The following LOC128462377 variants were observed in gnomAD, a reference collection of about 807,000 sequenced individuals.
the LOC128462377 span, among the ~76,000 whole-genome samples, chr16:89,415,261 C>CTTTTTT: frequency 1.2e-5 from 1 of 84,532 alleles, no homozygotes. Context: ...GCCAGCTATT[C>CTTTTTT]TTTTTTTTTT....
the LOC128462377 span, among the ~76,000 whole-genome samples, chr16:89,334,651 T>C: frequency 1.3e-5 from 2 of 151,976 alleles, no homozygotes; most frequent in African/African-American, 4.8e-5. Flanking sequence ...CCACGCTCCA[T>C]GAGGGGCCAC....
the LOC128462377 span, among the ~76,000 whole-genome samples, chr16:89,413,263 G>A: frequency 8.5e-5 from 13 of 152,260 alleles, no homozygotes; most frequent in South Asian, 1.9e-3. Context: ...TAATTACTAC[G>A]CATATTTTTT....
chr16:89,378,399 G>A, the LOC128462377 span, among the ~76,000 whole-genome samples: 1 of 152,160 alleles, frequency 6.6e-6, no homozygotes, highest in African/African-American at 2.4e-5. Context: ...CAACGTGTAT[G>A]TCAACCATAT....
the LOC128462377 span, among the ~76,000 whole-genome samples, chr16:89,382,654 C>T: frequency 1.3e-5 from 2 of 151,628 alleles, no homozygotes; most frequent in Non-Finnish European, 2.9e-5. Flanking sequence ...AAACAATTCC[C>T]CCCCTCCAGT....
the LOC128462377 span, among the ~76,000 whole-genome samples, chr16:89,371,052 G>A: frequency 1.3e-5 from 2 of 152,162 alleles, no homozygotes; most frequent in African/African-American, 2.4e-5. Context: ...GTCTCATGAC[G>A]AAGGGGACTT....
the LOC128462377 span, among the ~76,000 whole-genome samples, chr16:89,358,609 A>C: frequency 5.9e-5 from 9 of 152,336 alleles, no homozygotes; most frequent in East Asian, 1.7e-3. Context: ...CTTTAAAAAT[A>C]ATAATTAATA....
At chr16:89,374,343 A>AAATAAT in the LOC128462377 span, among the ~76,000 whole-genome samples, 25 of 151,208 alleles carry the variant, frequency 1.7e-4, no homozygotes, top group Middle Eastern at 3.4e-3. Flanking sequence ...TTTGTAAAAA[A>AAATAAT]AATAATAATA....
At chr16:89,407,435 T>G in the LOC128462377 span, among the ~76,000 whole-genome samples, 2 of 151,850 alleles carry the variant, frequency 1.3e-5, no homozygotes, top group African/African-American at 4.8e-5. Context: ...TTCCCAGCAT[T>G]TCCTGCCAGC....
chr16:89,417,863 G>A, the LOC128462377 span, among the ~76,000 whole-genome samples: 1 of 151,568 alleles, frequency 6.6e-6, no homozygotes, highest in African/African-American at 2.4e-5. Context: ...ATCCTAACGA[G>A]CAGAACAGCT....
the LOC128462377 span, among the ~76,000 whole-genome samples, chr16:89,383,723 C>T: frequency 1.3e-5 from 2 of 152,282 alleles, no homozygotes; most frequent in Admixed American, 6.5e-5. Flanking sequence ...ACGCAGCAGA[C>T]GTCCAGCCCC....
chr16:89,356,088 TACAAGAAAGAATCTGGAAA>T, the LOC128462377 span, among the ~76,000 whole-genome samples: 1 of 152,104 alleles, frequency 6.6e-6, no homozygotes, highest in Non-Finnish European at 1.5e-5. Context: ...TCAAAACAAA[TACAAGAAAGAATCTGGAAA>T]ACCTTAGTTA....
chr16:89,341,991 A>T, the LOC128462377 span, among the ~76,000 whole-genome samples: 1 of 84,844 alleles, frequency 1.2e-5, no homozygotes, highest in Admixed American at 1.2e-4. Flanking sequence ...ACCTCCACCC[A>T]CAGCGGCCAC....
chr16:89,322,994 G>A, the LOC128462377 span: 1 of 295,040 alleles, frequency 3.4e-6, no homozygotes, highest in Non-Finnish European at 6.7e-6. Context: ...CAGGCCCGTG[G>A]CACCATGCCC....
At chr16:89,330,203 C>T in the LOC128462377 span, among the ~76,000 whole-genome samples, 1 of 152,070 alleles carries the variant, frequency 6.6e-6, no homozygotes, top group African/African-American at 2.4e-5. Flanking sequence ...GGAAGCAATA[C>T]ACTTAGCTGT....
At chr16:89,332,215 C>G in the LOC128462377 span, among the ~76,000 whole-genome samples, 1 of 152,106 alleles carries the variant, frequency 6.6e-6, no homozygotes, top group Non-Finnish European at 1.5e-5. Flanking sequence ...ATTAAAGAAT[C>G]CTCACAATAA....
chr16:89,410,500 C>T, the LOC128462377 span, among the ~76,000 whole-genome samples: 7 of 152,236 alleles, frequency 4.6e-5, no homozygotes, highest in South Asian at 4.1e-4. Flanking sequence ...TCAGGAACCA[C>T]GCAGAGCCAC....
the LOC128462377 span, among the ~76,000 whole-genome samples, chr16:89,386,763 G>C: frequency 6.6e-6 from 1 of 152,170 alleles, no homozygotes; most frequent in African/African-American, 2.4e-5. Context: ...ATCCAAAATA[G>C]CACTGTAGAA....
the LOC128462377 span, among the ~76,000 whole-genome samples, chr16:89,346,250 GAAAAAAAAAA>G: frequency 9.4e-4 from 91 of 96,870 alleles, 1 homozygote; most frequent in South Asian, 6.2e-3. Context: ...CCCGTCTCAG[GAAAAAAAAAA>G]AAAAAAAAAA....
the LOC128462377 span, among the ~76,000 whole-genome samples, chr16:89,386,762 A>G: frequency 8.1e-4 from 123 of 152,322 alleles, 1 homozygote; most frequent in African/African-American, 2.8e-3. Context: ...AATCCAAAAT[A>G]GCACTGTAGA....
Sources: gnomAD v4.1 joint callset for allele counts (sites outside exome capture counted in the v4.1 genomes callset) on GRCh38, gnomAD v4.1.1 for gene constraint, MANE v1.5 for transcripts.